Variants in SEMA3D observed in about 807,000 individuals in gnomAD.
SEMA3D encodes the protein semaphorin 3D, also known as semaphorin-3D.
A neutral mutation model predicts 100.1 loss-of-function variants in SEMA3D; 84 were observed. The ratio of observed to expected loss-of-function variants is 0.84; its 90% CI spans 0.70 to 1.01. SEMA3D has a LOEUF of 1.01. Among genes scored for constraint, SEMA3D ranks in the 50% least tolerant of loss-of-function variants. The probability of loss-of-function intolerance (pLI) is 0.00; values close to 1 mark genes in which losing one functional copy is unlikely to be tolerated. For synonymous variants in SEMA3D, 312 were observed against 320.7 expected (o/e 0.97, Z 0.29); for missense variants, 875 against 934.1 (o/e 0.94, Z 0.82).
At chr7:85,180,945 G>C (rs1458922218) in intron 1 of SEMA3D, among the ~76,000 whole-genome samples, 1 of 152,162 alleles carries the variant, frequency 6.6e-6, no homozygotes, top group East Asian at 1.9e-4. Context: ...GAAGATTACT[G>C]ATCAGGTATT....
intron 13 of SEMA3D, among the ~76,000 whole-genome samples, chr7:85,020,955 G>C (rs10254683): frequency 0.025 from 3,836 of 151,210 alleles, 181 homozygotes; most frequent in African/African-American, 0.088. Flanking sequence ...ATTTAAAAGA[G>C]GTATCTTAAA....
chr7:85,029,551 C>A, intron 12 of SEMA3D: 1 of 551,668 alleles, frequency 1.8e-6, no homozygotes, highest in Non-Finnish European at 3.4e-6. Flanking sequence ...ACAGCAAGAG[C>A]TGGAGAAGTC....
intron 12 of SEMA3D, among the ~76,000 whole-genome samples, chr7:85,033,858 T>TACAC (rs71082183): frequency 0.15 from 20,653 of 141,016 alleles, 1,576 homozygotes; most frequent in African/African-American, 0.19. Context: ...ATCACACACA[T>TACAC]ACACACACAC....
intron 4 of SEMA3D, among the ~76,000 whole-genome samples, chr7:85,082,803 C>G (rs1010255353): frequency 5.9e-5 from 9 of 152,140 alleles, no homozygotes; most frequent in African/African-American, 2.2e-4. Context: ...TAAACCGGAG[C>G]AAGATTGTTT....
the SEMA3D span, among the ~76,000 whole-genome samples, chr7:85,232,828 G>A: frequency 2.0e-5 from 3 of 152,148 alleles, no homozygotes; most frequent in Admixed American, 1.3e-4. Context: ...TAGCTCTCTT[G>A]GGAATATCTG....
At chr7:85,210,180 C>T in the SEMA3D span, among the ~76,000 whole-genome samples, 1 of 152,068 alleles carries the variant, frequency 6.6e-6, no homozygotes, top group Non-Finnish European at 1.5e-5. Flanking sequence ...TAAGTAAAAC[C>T]ATTGCAAATC....
At chr7:85,007,550 C>T (rs1789834902) in intron 17 of SEMA3D, among the ~76,000 whole-genome samples, 1 of 151,420 alleles carries the variant, frequency 6.6e-6, no homozygotes, top group Admixed American at 6.6e-5. Flanking sequence ...TTTTTTAAAC[C>T]CAATATACAT....
the SEMA3D span, among the ~76,000 whole-genome samples, chr7:85,229,640 C>T: frequency 6.6e-6 from 1 of 152,036 alleles, no homozygotes; most frequent in African/African-American, 2.4e-5. Flanking sequence ...ATTTCAGTCT[C>T]ATTTTATCTT....
the SEMA3D span, among the ~76,000 whole-genome samples, chr7:85,209,982 C>G: frequency 6.6e-6 from 1 of 152,006 alleles, no homozygotes; most frequent in East Asian, 1.9e-4. Context: ...ACTCCTGGGA[C>G]TACCACAGAA....
chr7:85,249,470 A>G, the SEMA3D span, among the ~76,000 whole-genome samples: 2 of 152,224 alleles, frequency 1.3e-5, no homozygotes, highest in African/African-American at 2.4e-5. Context: ...TAATGTATCA[A>G]TATTGGGTTA....
chr7:85,006,774 T>A, intron 18 of SEMA3D, 28 bp downstream of exon 18: 1 of 1,540,154 alleles, frequency 6.5e-7, no homozygotes, highest in Non-Finnish European at 8.8e-7. Flanking sequence ...TCCCTCAAAG[T>A]GAGTATTCTT....
At chr7:85,163,387 A>G (rs1174940193) in intron 1 of SEMA3D, among the ~76,000 whole-genome samples, 1 of 152,120 alleles carries the variant, frequency 6.6e-6, no homozygotes, top group Non-Finnish European at 1.5e-5. Flanking sequence ...ACCAGAGTGA[A>G]CAGTAAAACA....
intron 5 of SEMA3D, among the ~76,000 whole-genome samples, chr7:85,075,107 T>C (rs1791885779): frequency 1.3e-5 from 2 of 152,232 alleles, no homozygotes; most frequent in Admixed American, 1.3e-4. Context: ...TCCTTGGTTT[T>C]TCCTGCACAA....
chr7:85,009,716 T>A (rs1277104359), intron 17 of SEMA3D, among the ~76,000 whole-genome samples: 2 of 151,996 alleles, frequency 1.3e-5, no homozygotes, highest in Non-Finnish European at 2.9e-5. Flanking sequence ...TTTCTGATTT[T>A]AATTATTGTT....
At chr7:85,045,233 G>C (rs1231484179) in intron 9 of SEMA3D, among the ~76,000 whole-genome samples, 1 of 152,008 alleles carries the variant, frequency 6.6e-6, no homozygotes, top group Non-Finnish European at 1.5e-5. Context: ...GATAAACTGT[G>C]TTTAGTTGAA....
intron 12 of SEMA3D, among the ~76,000 whole-genome samples, chr7:85,035,009 A>G (rs1790652934): frequency 6.6e-6 from 1 of 152,096 alleles, no homozygotes; most frequent in Admixed American, 6.6e-5. Context: ...TCAAAGATAT[A>G]TGAGATATTA....
intron 1 of SEMA3D, among the ~76,000 whole-genome samples, chr7:85,177,638 T>C (rs968479762): frequency 3.9e-5 from 6 of 152,202 alleles, no homozygotes; most frequent in African/African-American, 1.4e-4. Flanking sequence ...TAGCATTTTT[T>C]GCATGAGAGC....
chr7:85,199,354 G>T, the SEMA3D span, among the ~76,000 whole-genome samples: 1 of 152,030 alleles, frequency 6.6e-6, no homozygotes, highest in African/African-American at 2.4e-5. Flanking sequence ...TTTGTATGGA[G>T]AATGGTGTGT....
At chr7:85,122,905 C>A (rs6970924) in intron 2 of SEMA3D, among the ~76,000 whole-genome samples, 116,525 of 152,114 alleles carry the variant, frequency 0.77, 46,006 homozygotes, top group East Asian at 0.99. Context: ...GATGTAGAGT[C>A]AATCAAAACA....
Sources: allele counts gnomAD v4.1 joint callset (sites outside exome capture counted in the v4.1 genomes callset), GRCh38; gene constraint gnomAD v4.1.1; transcripts MANE v1.5; gene names NCBI Gene and HGNC (gene_info 2026-07-23, HGNC 2026-07-21).